The following IL1RAPL1 variants were observed in gnomAD, a reference collection of about 807,000 sequenced individuals.
IL1RAPL1 encodes interleukin-1 receptor accessory protein-like 1.
A neutral mutation model predicts 48.4 loss-of-function variants in IL1RAPL1; 3 were observed. The observed-to-expected ratio is 0.06, with a 90% CI of 0.03 to 0.16. The LOEUF is 0.16. Among genes scored for constraint, IL1RAPL1 ranks in the 10% least tolerant of loss-of-function variants. IL1RAPL1 has a pLI of 1.00. For missense variants in IL1RAPL1, 349 were observed against 530.6 expected (o/e 0.66, Z 3.36); for synonymous variants, 185 against 187.7 (o/e 0.99, Z 0.12).
At chrX:29,506,390 A>C (rs1935327226) in intron 5 of IL1RAPL1, among the ~76,000 whole-genome samples, 2 of 106,713 alleles carry the variant, frequency 1.9e-5, no homozygotes, top group Non-Finnish European at 3.9e-5. Flanking sequence ...AGATTCTTTT[A>C]ATTTACCTGT....
chrX:29,568,834 G>C (rs1231339697), intron 5 of IL1RAPL1, among the ~76,000 whole-genome samples: 2 of 111,228 alleles, frequency 1.8e-5, no homozygotes, highest in African/African-American at 6.5e-5. Context: ...TTTTAATTAT[G>C]TGGAAAAAAG....
chrX:29,121,003 A>G (rs1244366859), intron 2 of IL1RAPL1, among the ~76,000 whole-genome samples: 1 of 112,327 alleles, frequency 8.9e-6, no homozygotes, highest in Non-Finnish European at 1.9e-5. Flanking sequence ...TATCTTATCA[A>G]TAGAGGCAGA....
intron 8 of IL1RAPL1, among the ~76,000 whole-genome samples, chrX:29,925,813 T>C (rs1490369437): frequency 3.6e-5 from 4 of 111,908 alleles, no homozygotes; most frequent in African/African-American, 1.3e-4. Flanking sequence ...GTGGTGGGAT[T>C]ACAGGCATGA....
intron 2 of IL1RAPL1, among the ~76,000 whole-genome samples, chrX:28,911,663 T>A (rs1923363551): frequency 9.0e-6 from 1 of 111,476 alleles, no homozygotes; most frequent in African/African-American, 3.3e-5. Flanking sequence ...AAAAGAAAGT[T>A]CTTATTGTCA....
At chrX:29,512,832 T>C (rs1935407196) in intron 5 of IL1RAPL1, among the ~76,000 whole-genome samples, 1 of 111,882 alleles carries the variant, frequency 8.9e-6, no homozygotes, top group South Asian at 3.7e-4. Flanking sequence ...TCTTGTAAAC[T>C]GTAGTAAAGC....
rs186714255 is a variant in IL1RAPL1 at position 29,381,412 on chromosome X, T to C, written c.363-14846T>C. On this transcript the variant is annotated intron_variant, in intron 3 of 10. Transcript: ENST00000378993. ...GCACATCCCTATAACCCCAGCACTTTGGGAGGCCGAGGTGGGAGGATTGCT... is the reference window on the plus strand; with the variant it reads ...GCACATCCCTATAACCCCAGCACTTCGGGAGGCCGAGGTGGGAGGATTGCT... Among the ~76,000 whole-genome samples, 439 of 92,331 alleles carry C rather than the reference T, an allele frequency of 4.8e-3. 1 individual carries two copies. The highest frequency in any genetic ancestry group is 0.017 in the African/African-American group (415 of 24,998). The allele number at this position is 92,331 out of a possible 115,157, so 80.2% of individuals were successfully genotyped here.
At chrX:29,216,774 C>T (rs978947151) in intron 2 of IL1RAPL1, among the ~76,000 whole-genome samples, 2 of 111,815 alleles carry the variant, frequency 1.8e-5, no homozygotes, top group African/African-American at 6.5e-5. Context: ...TCAAAGTAGA[C>T]AATGAGATTC....
At chrX:29,323,407 T>C (rs1932816753) in intron 3 of IL1RAPL1, among the ~76,000 whole-genome samples, 1 of 108,089 alleles carries the variant, frequency 9.3e-6, no homozygotes, top group African/African-American at 3.4e-5. Flanking sequence ...ACTAGGTCTC[T>C]CTTCTGCACT....
intron 2 of IL1RAPL1, among the ~76,000 whole-genome samples, chrX:28,866,586 A>G (rs1226388135): frequency 8.9e-6 from 1 of 112,194 alleles, no homozygotes; most frequent in African/African-American, 3.2e-5. Context: ...AATGGAATCC[A>G]TTGCACTAGT....
intron 1 of IL1RAPL1, among the ~76,000 whole-genome samples, chrX:28,625,737 C>CGTGTGTGTGTGTGTGTGTGTGT (rs112613600): frequency 1.1e-3 from 111 of 99,312 alleles, no homozygotes; most frequent in Admixed American, 2.6e-3. Flanking sequence ...AATCAAAATG[C>CGTGTGTGTGTGTGTGTGTGTGT]GTGTGTGTGT....
chrX:29,520,456 G>A (rs1935491517), intron 5 of IL1RAPL1, among the ~76,000 whole-genome samples: 1 of 111,433 alleles, frequency 9.0e-6, no homozygotes, highest in African/African-American at 3.3e-5. Context: ...TTCCTTTATG[G>A]TATTTAGCGT....
intron 2 of IL1RAPL1, among the ~76,000 whole-genome samples, chrX:28,881,438 G>T (rs142381294): frequency 0.033 from 3,694 of 111,477 alleles, 134 homozygotes; most frequent in African/African-American, 0.11. Context: ...AGACGACAGA[G>T]AATCTTGTTT....
chrX:29,063,841 T>G (rs768764096), intron 2 of IL1RAPL1, among the ~76,000 whole-genome samples: 8 of 112,354 alleles, frequency 7.1e-5, no homozygotes, highest in Non-Finnish European at 1.3e-4. Context: ...ACCTGTAATA[T>G]GTATATTTTA....
intron 5 of IL1RAPL1, among the ~76,000 whole-genome samples, chrX:29,503,527 G>A (rs964950348): frequency 5.4e-5 from 6 of 112,006 alleles, no homozygotes; most frequent in South Asian, 3.7e-4. Context: ...TTGCTGTGTC[G>A]CATAGATTTT....
chrX:28,865,079 G>A (rs779825315), intron 2 of IL1RAPL1, among the ~76,000 whole-genome samples: 46 of 111,533 alleles, frequency 4.1e-4, no homozygotes, highest in Non-Finnish European at 6.6e-4. Context: ...TTCTATTTGC[G>A]TCAGGTAGAT....
intron 6 of IL1RAPL1, among the ~76,000 whole-genome samples, chrX:29,875,971 G>A (rs1338527007): frequency 9.0e-6 from 1 of 111,615 alleles, no homozygotes; most frequent in Non-Finnish European, 1.9e-5. Context: ...GTGAATGACA[G>A]TATGTGTATA....
At chrX:29,258,125 C>T (rs1180048242) in intron 2 of IL1RAPL1, among the ~76,000 whole-genome samples, 1 of 110,541 alleles carries the variant, frequency 9.0e-6, no homozygotes, top group Non-Finnish European at 1.9e-5. Context: ...TTTAGTGATA[C>T]TAAGTATACA....
chrX:28,886,199 C>G (rs924120406), intron 2 of IL1RAPL1, among the ~76,000 whole-genome samples: 2 of 109,444 alleles, frequency 1.8e-5, no homozygotes, highest in Non-Finnish European at 3.8e-5. Context: ...TCTTCAAGAA[C>G]TAGAATATAT....
chrX:29,226,258 G>C (rs1230773477), intron 2 of IL1RAPL1, among the ~76,000 whole-genome samples: 3 of 111,035 alleles, frequency 2.7e-5, no homozygotes, highest in Admixed American at 1.9e-4. Context: ...CAGAACATCT[G>C]AGTCTCTCCT....
Sources: allele counts gnomAD v4.1 joint callset (sites outside exome capture counted in the v4.1 genomes callset), GRCh38; gene constraint gnomAD v4.1.1; transcripts MANE v1.5; gene names NCBI Gene and HGNC (gene_info 2026-07-23, HGNC 2026-07-21).